The following MAP4 variants were observed in gnomAD, a reference collection of about 807,000 sequenced individuals.
MAP4 encodes the protein microtubule-associated protein 4.
In MAP4, 76 loss-of-function variants were observed where a neutral mutation model predicts 170.2. The observed-to-expected ratio is 0.45, with a 90% CI of 0.37 to 0.54. MAP4 has a LOEUF of 0.54. Ranked by LOEUF, MAP4 falls within the 20% of genes least tolerant of loss-of-function variation. MAP4 has a pLI of 0.00. For synonymous variants in MAP4, 909 were observed against 994.5 expected, an observed-to-expected ratio of 0.91 and a Z score of 1.62; for missense variants, 2,506 against 2,748.0, an observed-to-expected ratio of 0.91 and a Z score of 1.97.
Position 47,891,506 on chromosome 3 carries a change from G to T in MAP4, c.5434+11444C>A, listed in dbSNP as rs891187864. The stretch of plus-strand genomic sequence containing the variant: ...ACTAGGGGGAGGCAGCAGGCCAGAA[G>T]AAGGCTCTTCTCGGGCAGGGAGTTC... On this transcript the variant is annotated intron_variant, in intron 10 of 20. Transcript: ENST00000683076. The T allele has an allele frequency of 4.6e-6, 7 of 1,515,704 alleles. No homozygotes were observed. In the African/African-American group the frequency reaches 6.9e-5, roughly 15 times the overall value. The allele number at this position is 1,515,704 out of a possible 1,614,324, so 93.9% of individuals were successfully genotyped here.
At chr3:47,859,377 T>G (rs190776386) in intron 17 of MAP4, among the ~76,000 whole-genome samples, 1 of 152,332 alleles carries the variant, frequency 6.6e-6, no homozygotes, top group African/African-American at 2.4e-5. Flanking sequence ...AAATATAGTC[T>G]TCACCATGTT....
intron 2 of MAP4, among the ~76,000 whole-genome samples, chr3:47,988,746 A>C (rs147041720): frequency 6.6e-6 from 1 of 151,976 alleles, no homozygotes; most frequent in East Asian, 1.9e-4. Flanking sequence ...TATCAGTGAG[A>C]TACTAGATCA....
intron 2 of MAP4, among the ~76,000 whole-genome samples, chr3:47,986,699 A>T (rs1463491045): frequency 6.6e-6 from 1 of 150,462 alleles, no homozygotes; most frequent in Non-Finnish European, 1.5e-5. Context: ...TTGGTACGAT[A>T]TTTTTTTTCC....
At chr3:48,026,445 T>C (rs2100113160) in intron 1 of MAP4, among the ~76,000 whole-genome samples, 1 of 152,240 alleles carries the variant, frequency 6.6e-6, no homozygotes, top group Non-Finnish European at 1.5e-5. Flanking sequence ...TAAATCACAT[T>C]ACATCAAGAT....
At chr3:48,080,066 A>G (rs1031479630) in intron 1 of MAP4, among the ~76,000 whole-genome samples, 7 of 152,216 alleles carry the variant, frequency 4.6e-5, no homozygotes, top group African/African-American at 1.7e-4. Flanking sequence ...CTAGTGTGGA[A>G]AAGAAAAAGG....
At chr3:47,860,433 AC>A (rs2063716497) in intron 17 of MAP4, among the ~76,000 whole-genome samples, 1 of 152,196 alleles carries the variant, frequency 6.6e-6, no homozygotes, top group African/African-American at 2.4e-5. Flanking sequence ...GGCTGAAGCA[AC>A]CCACTTGCCT....
At chr3:47,857,571 C>T (rs1234519116) in intron 17 of MAP4, 59 bp from the exon 18 acceptor site, 1 of 1,130,270 alleles carries the variant, frequency 8.8e-7, no homozygotes, top group Non-Finnish European at 1.3e-6. Context: ...AGAGCCAACC[C>T]CATGCTACCT....
intron 10 of MAP4, among the ~76,000 whole-genome samples, chr3:47,884,745 T>G (rs1272994600): frequency 1.3e-5 from 2 of 152,112 alleles, no homozygotes; most frequent in Non-Finnish European, 2.9e-5. Flanking sequence ...GTTTGATCTC[T>G]GCTGGGGTTG....
chr3:48,016,387 G>C lies in MAP4; in HGVS notation c.-73C>G, dbSNP rs2100107844. ...TCCTGACTAAATGCATTTTGGATCA[G>C]GCACCTGCCTTCAACATTTCTGTCC... On this transcript the variant is annotated 5_prime_UTR_variant, in exon 1 of 21. Coordinates refer to ENST00000683076, the MANE Select transcript of MAP4 (RefSeq NM_001385682.1). 1 of 152,246 alleles carries C rather than the reference G, an allele frequency of 6.6e-6. No individual in the cohort carries two copies. Among genetic ancestry groups the C allele is most frequent in the Admixed American group, 6.5e-5 (1 of 15,280 alleles). 9.4% of individuals were successfully genotyped at this position (152,246 alleles called of 1,614,324 possible). A position where few individuals can be genotyped will look rare whatever the true frequency, so the allele number is the denominator to read the frequency against.
chr3:48,064,904 C>G (rs2100137617), intron 1 of MAP4, among the ~76,000 whole-genome samples: 1 of 152,062 alleles, frequency 6.6e-6, no homozygotes, highest in African/African-American at 2.4e-5. Context: ...TTATGCCAAG[C>G]ATTACATCAC....
intron 2 of MAP4, among the ~76,000 whole-genome samples, chr3:47,995,079 T>G (rs1355701530): frequency 6.6e-6 from 1 of 152,144 alleles, no homozygotes; most frequent in Non-Finnish European, 1.5e-5. Context: ...TACATCCCTT[T>G]GGACCAATTG....
chr3:48,080,253 C>T (rs1173536570), intron 1 of MAP4, among the ~76,000 whole-genome samples: 7 of 152,284 alleles, frequency 4.6e-5, no homozygotes, highest in Admixed American at 4.6e-4. Flanking sequence ...TGGTAGCAAC[C>T]AGCTGTGAAG....
At chr3:47,952,228 A>AGCCGCCCCG (rs1559577900) in intron 3 of MAP4, among the ~76,000 whole-genome samples, 9 of 150,480 alleles carry the variant, frequency 6.0e-5, no homozygotes, top group African/African-American at 2.2e-4. Flanking sequence ...GAGCATCTCC[A>AGCCGCCCCG]CCCGGCAGCC....
chr3:48,020,350 G>T (rs760020077), upstream of MAP4, among the ~76,000 whole-genome samples: 1 of 152,206 alleles, frequency 6.6e-6, no homozygotes, highest in Non-Finnish European at 1.5e-5. Flanking sequence ...GTCCTGCTAG[G>T]TGCGCTCTGC....
intron 1 of MAP4, among the ~76,000 whole-genome samples, chr3:48,038,151 G>A (rs1238547902): frequency 8.1e-5 from 11 of 135,630 alleles, no homozygotes; most frequent in Non-Finnish European, 3.1e-5. Flanking sequence ...CTGGGCATCA[G>A]AGCAAGACTC....
intron 2 of MAP4, among the ~76,000 whole-genome samples, chr3:47,993,403 T>A (rs1323548712): frequency 1.3e-5 from 2 of 152,132 alleles, no homozygotes; most frequent in African/African-American, 4.8e-5. Context: ...ACCACCAATA[T>A]CAATTTGAGA....
chr3:47,940,499 C>T (rs953676684), intron 3 of MAP4, among the ~76,000 whole-genome samples: 2 of 152,082 alleles, frequency 1.3e-5, no homozygotes, highest in African/African-American at 4.8e-5. Context: ...AAATACTTAC[C>T]ACTACCACTG....
chr3:48,054,816 A>C (rs986016704), intron 1 of MAP4, among the ~76,000 whole-genome samples: 1 of 151,966 alleles, frequency 6.6e-6, no homozygotes, highest in East Asian at 1.9e-4. Context: ...TCCAAAAAAA[A>C]AAAAGAAAAG....
intron 5 of MAP4, among the ~76,000 whole-genome samples, chr3:47,920,503 A>C (rs1034737071): frequency 1.3e-5 from 2 of 150,084 alleles, no homozygotes; most frequent in Non-Finnish European, 2.9e-5. Flanking sequence ...TTGGCCTCCC[A>C]AAGTGCTGGG....
Sources: gnomAD v4.1 joint callset for allele counts (sites outside exome capture counted in the v4.1 genomes callset) on GRCh38, gnomAD v4.1.1 for gene constraint, MANE v1.5 for transcripts, NCBI Gene and HGNC (gene_info 2026-07-23, HGNC 2026-07-21) for gene names.